TPTE2: variants seen among roughly 807,000 people sequenced by gnomAD.
The protein encoded by TPTE2 is phosphatidylinositol 3,4,5-trisphosphate 3-phosphatase TPTE2.
Under a neutral mutation model 78.6 loss-of-function variants are expected in TPTE2, and 53 were observed. The ratio of observed to expected loss-of-function variants is 0.67; its 90% CI spans 0.54 to 0.85. TPTE2 has a LOEUF of 0.85. Ranked by LOEUF, TPTE2 falls within the 40% of genes least tolerant of loss-of-function variation. The pLI is 0.00. For missense variants in TPTE2, 461 were observed against 623.0 expected (o/e 0.74, Z 2.77); for synonymous variants, 175 against 206.2 (o/e 0.85, Z 1.30).
Position 19,465,454 on chromosome 13 carries a change from T to G in TPTE2, c.612+11A>C. On this transcript the variant is annotated intron_variant, in intron 8 of 19. Coordinates refer to ENST00000400230, the Ensembl canonical transcript of TPTE2. ...ATTTTTCTGAATCATAAGCATGTTT[T>G]GCCCACTTACCAGCCTTCTCATCAG... 6.2e-7 allele frequency: 1 copy of G among 1,609,016 alleles called. No individual in the cohort carries two copies. The highest frequency in any genetic ancestry group is 8.5e-7 in the Non-Finnish European group (1 of 1,178,560).
At chr13:19,459,717 C>A (rs1352397851) in intron 10 of TPTE2, among the ~76,000 whole-genome samples, 6 of 152,156 alleles carry the variant, frequency 3.9e-5, no homozygotes, top group Non-Finnish European at 8.8e-5. Flanking sequence ...GGATTCCTGC[C>A]CAGTGAGGAG....
chr13:19,497,206 G>T (rs767043303), intron 1 of TPTE2, among the ~76,000 whole-genome samples: 89 of 149,726 alleles, frequency 5.9e-4, no homozygotes, highest in Non-Finnish European at 1.2e-3. Context: ...ACTGCAAGGC[G>T]GCAGCGAGGC....
chr13:19,428,971 T>G (rs919463509), intron 17 of TPTE2, among the ~76,000 whole-genome samples: 1 of 152,236 alleles, frequency 6.6e-6, no homozygotes, highest in Non-Finnish European at 1.5e-5. Context: ...CAAAGAGGCC[T>G]GATAATTATC....
Position 19,535,657 on chromosome 13 carries a change from G to A in TPTE2, c.-44+939C>T, listed in dbSNP as rs1004908408. On this transcript the variant is annotated intron_variant, in intron 1 of 17. Coordinates refer to the TPTE2 transcript ENST00000390680. The surrounding 1 kb of genome is among the most constrained non-coding windows in gnomAD (Gnocchi z 5.1). ...TTATTTATTTATTTATTTTGAGACG[G>A]AGTCTCACTCTGTCACCAGGCTGGA... 2.5e-4 allele frequency among the ~76,000 whole-genome samples: 22 copies of A among 88,738 alleles called. No individual in the cohort carries two copies. The highest frequency in any genetic ancestry group is 6.3e-4 in the African/African-American group (20 of 31,630). The allele number at this position is 88,738 out of a possible 152,430, so 58.2% of individuals were successfully genotyped here.
intron 10 of TPTE2, among the ~76,000 whole-genome samples, chr13:19,462,884 T>C (rs2137559204): frequency 6.6e-6 from 1 of 152,044 alleles, no homozygotes; most frequent in Admixed American, 6.5e-5. Context: ...TTGACTACTA[T>C]GCACCTCAGA....
At chr13:19,469,122 C>T (rs559895880) in intron 6 of TPTE2, among the ~76,000 whole-genome samples, 9 of 152,260 alleles carry the variant, frequency 5.9e-5, no homozygotes, top group African/African-American at 2.2e-4. Context: ...AGATTCTTCC[C>T]AATGTTCTCT....
At chr13:19,490,849 C>T (rs1468802005) in intron 3 of TPTE2, among the ~76,000 whole-genome samples, 1 of 152,210 alleles carries the variant, frequency 6.6e-6, no homozygotes, top group Non-Finnish European at 1.5e-5. Flanking sequence ...CTCCTCCTTG[C>T]ACCAAATAGG....
intron 1 of TPTE2, among the ~76,000 whole-genome samples, chr13:19,528,078 C>T (rs1870622215): frequency 6.6e-6 from 1 of 152,034 alleles, no homozygotes; most frequent in Non-Finnish European, 1.5e-5. Context: ...TCAACTCTGG[C>T]ACTATCTAAA....
At chr13:19,457,358 T>C (rs994952642) in intron 10 of TPTE2, among the ~76,000 whole-genome samples, 4 of 152,236 alleles carry the variant, frequency 2.6e-5, no homozygotes, top group African/African-American at 9.6e-5. Flanking sequence ...TATATACAGA[T>C]AATTTACTTC....
In TPTE2 at chr13:19,454,008, T is replaced by C. The variant is rs372842911; in HGVS notation, c.742-2783A>G. Among the ~76,000 whole-genome samples the C allele has an allele frequency of 6.4e-3, 980 of 152,276 alleles. 12 individuals are homozygous for C. The highest frequency in any genetic ancestry group is 0.023 in the African/African-American group (949 of 41,550). On this transcript the variant is annotated intron_variant, in intron 10 of 19. Coordinates refer to ENST00000400230, the Ensembl canonical transcript of TPTE2. ...ATACTCTTCTCTCTGCCTATCTTAG[T>C]ACATTCCTTGATTTGGAGGCAAAAG... is the stretch of plus-strand genomic sequence containing the variant.
chr13:19,477,878 G>C (rs1463689412), intron 4 of TPTE2, among the ~76,000 whole-genome samples: 1 of 152,150 alleles, frequency 6.6e-6, no homozygotes, highest in Non-Finnish European at 1.5e-5. Flanking sequence ...TCCAGGAAAA[G>C]TACTGTTCAC....
At chr13:19,467,864 T>A (rs2137573294) in intron 6 of TPTE2, among the ~76,000 whole-genome samples, 1 of 142,364 alleles carries the variant, frequency 7.0e-6, no homozygotes, top group Non-Finnish European at 1.5e-5. Flanking sequence ...ATGATCATCT[T>A]TCTACTCTCT....
At chr13:19,520,181 C>CA (rs994579040) in intron 1 of TPTE2, among the ~76,000 whole-genome samples, 18 of 151,840 alleles carry the variant, frequency 1.2e-4, no homozygotes, top group African/African-American at 4.3e-4. Flanking sequence ...TATTTATCTG[C>CA]AAAAAAATAG....
rs1282304990 is a variant in TPTE2 at position 19,514,590 on chromosome 13, A to AGTGTGTGTGTGTGTGT, written c.-43-11314_-43-11313insACACACACACACACAC. On this transcript the variant is annotated intron_variant, in intron 1 of 17. Coordinates refer to the TPTE2 transcript ENST00000390680. ...TCAGGATACAGCACCAGTACTTCTG[A>AGTGTGTGTGTGTGTGT]GAGTGTGTGTGTGTGTGTGTGTGTG... Among the ~76,000 whole-genome samples, 19 of 18,704 alleles carry AGTGTGTGTGTGTGTGT rather than the reference A, an allele frequency of 1.0e-3. 1 individual carries two copies. The East Asian group carries it at 0.073, about 72-fold the overall frequency. 12.3% of individuals were successfully genotyped at this position (18,704 alleles called of 152,430 possible).
At chr13:19,533,718 T>C (rs1871022593) in intron 1 of TPTE2, among the ~76,000 whole-genome samples, 1 of 152,238 alleles carries the variant, frequency 6.6e-6, no homozygotes, top group Non-Finnish European at 1.5e-5. Context: ...TGATAGATTG[T>C]TATGTTGTCA....
At chr13:19,536,776 T>C (rs566329910), upstream of TPTE2, 13 of 152,194 alleles carry the variant, frequency 8.5e-5, no homozygotes, top group African/African-American at 3.1e-4. Context: ...TGTACTTGCT[T>C]CCCAGTCCTT....
At chr13:19,498,548 A>G (rs1881542107) in intron 1 of TPTE2, among the ~76,000 whole-genome samples, 1 of 151,924 alleles carries the variant, frequency 6.6e-6, no homozygotes, top group Non-Finnish European at 1.5e-5. Context: ...CAGCCAAACT[A>G]AGCTTCATAA....
chr13:19,439,333 T>G (rs1163175871), intron 13 of TPTE2, among the ~76,000 whole-genome samples: 1 of 151,512 alleles, frequency 6.6e-6, no homozygotes, highest in Admixed American at 6.6e-5. Flanking sequence ...CTGGCAGAAG[T>G]GCATAGGGCT....
In TPTE2 at chr13:19,497,577, G is replaced by C. The variant is rs1489803856; in HGVS notation, c.12-4076C>G. 4.1e-3 allele frequency among the ~76,000 whole-genome samples: 319 copies of C among 78,320 alleles called. 34 individuals are homozygous for C. The highest frequency in any genetic ancestry group is 9.4e-3 in the African/African-American group (315 of 33,430). The allele number at this position is 78,320 out of a possible 152,430, so 51.4% of individuals were successfully genotyped here. A position where few individuals can be genotyped will look rare whatever the true frequency, so the allele number is the denominator to read the frequency against. ...CATGGCAGGGTATTCCAACAGACCT[G>C]CAGCTGAGGGTCCTGTCTGTTAGAA... On this transcript the variant is annotated intron_variant, in intron 1 of 19. Transcript: ENST00000400230.
Sources: allele counts gnomAD v4.1 joint callset (sites outside exome capture counted in the v4.1 genomes callset), GRCh38; gene constraint gnomAD v4.1.1; non-coding constraint Gnocchi (gnomAD v3.1); transcripts MANE v1.5; gene names NCBI Gene and HGNC (gene_info 2026-07-23, HGNC 2026-07-21).